CLIC5: variants seen among roughly 807,000 people sequenced by gnomAD.
CLIC5 encodes the protein chloride intracellular channel protein 5.
A neutral mutation model predicts 24.7 loss-of-function variants in CLIC5; 20 were observed. That is an observed-to-expected ratio of 0.81 (90% CI 0.57 to 1.18). The LOEUF is 1.18. CLIC5 is among the 50% of genes most tolerant of loss of function. The pLI is 0.00. For synonymous variants in CLIC5, 159 were observed against 135.6 expected (o/e 1.17, Z -1.20); for missense variants, 341 against 326.1 (o/e 1.05, Z -0.35).
chr6:45,886,753 T>C (rs1762309198), intron 6 of CLIC5, among the ~76,000 whole-genome samples: 1 of 152,166 alleles, frequency 6.6e-6, no homozygotes, highest in African/African-American at 2.4e-5. Flanking sequence ...TGGACAAAGC[T>C]GATGTGTTTG....
At chr6:46,069,268 G>A (rs1581917094) in intron 1 of CLIC5, among the ~76,000 whole-genome samples, 1 of 152,128 alleles carries the variant, frequency 6.6e-6, no homozygotes, top group East Asian at 1.9e-4. Flanking sequence ...GCAATAGGGA[G>A]CTACTGCATA....
chr6:46,030,429 T>C (rs1767465160), intron 1 of CLIC5, among the ~76,000 whole-genome samples: 1 of 152,192 alleles, frequency 6.6e-6, no homozygotes, highest in Admixed American at 6.5e-5. Context: ...GCTCTTTTGC[T>C]TTCTCTCTTT....
intron 1 of CLIC5, among the ~76,000 whole-genome samples, chr6:45,959,599 C>T (rs1041515675): frequency 2.7e-5 from 4 of 149,198 alleles, no homozygotes; most frequent in African/African-American, 1.0e-4. Context: ...AGTGCAGTGG[C>T]GCGATCTCAG....
intron 1 of CLIC5, among the ~76,000 whole-genome samples, chr6:46,036,675 A>G (rs527427452): frequency 5.9e-5 from 9 of 152,362 alleles, no homozygotes; most frequent in Admixed American, 2.0e-4. Flanking sequence ...CAGTGTATAC[A>G]TAGTGCTGGA....
intron 1 of CLIC5, among the ~76,000 whole-genome samples, chr6:45,992,986 G>A (rs1765996767): frequency 6.6e-6 from 1 of 152,178 alleles, no homozygotes; most frequent in Admixed American, 6.5e-5. Context: ...AGCTAACTGG[G>A]CAGAGGTCTG....
intron 1 of CLIC5, among the ~76,000 whole-genome samples, chr6:46,010,623 G>A (rs929930000): frequency 1.3e-5 from 2 of 152,146 alleles, no homozygotes; most frequent in Non-Finnish European, 2.9e-5. Context: ...GACAACACAA[G>A]TCATCAGGGA....
intron 1 of CLIC5, among the ~76,000 whole-genome samples, chr6:46,051,083 T>A (rs921199846): frequency 5.3e-5 from 8 of 152,206 alleles, no homozygotes; most frequent in Non-Finnish European, 1.0e-4. Context: ...CCCCCATCTC[T>A]GAACTCTTAG....
chr6:45,951,337 T>G (rs933865015), intron 2 of CLIC5, among the ~76,000 whole-genome samples: 6 of 152,142 alleles, frequency 3.9e-5, no homozygotes, highest in African/African-American at 1.4e-4. Context: ...CAGTCCCAAT[T>G]GAATGAATGA....
upstream of CLIC5, among the ~76,000 whole-genome samples, chr6:46,083,762 G>T (rs12212113): frequency 0.13 from 19,992 of 151,108 alleles, 1,365 homozygotes; most frequent in South Asian, 0.3. Context: ...TTGATTTGGG[G>T]TGGAGAGTTC....
chr6:45,924,545 T>C (rs1261619452), intron 4 of CLIC5, among the ~76,000 whole-genome samples: 3 of 152,218 alleles, frequency 2.0e-5, no homozygotes, highest in Non-Finnish European at 4.4e-5. Flanking sequence ...TGTGCAATTT[T>C]ATACTTCTGT....
intron 1 of CLIC5, among the ~76,000 whole-genome samples, chr6:46,032,882 A>T (rs9472674): frequency 0.016 from 2,458 of 152,140 alleles, 71 homozygotes; most frequent in African/African-American, 0.051. Context: ...GTTTCCAAGG[A>T]CAATCTGTAG....
At chr6:45,948,709 T>A (rs1764367178) in intron 3 of CLIC5, among the ~76,000 whole-genome samples, 1 of 152,190 alleles carries the variant, frequency 6.6e-6, no homozygotes, top group Admixed American at 6.5e-5. Context: ...CTTATAGCTC[T>A]ACGGTCTATA....
chr6:46,010,826 A>G (rs1766782562), intron 1 of CLIC5, among the ~76,000 whole-genome samples: 1 of 152,218 alleles, frequency 6.6e-6, no homozygotes, highest in African/African-American at 2.4e-5. Context: ...GTTATTGACT[A>G]CAGATCAAAA....
At chr6:45,909,681 G>A (rs777986183) in intron 5 of CLIC5, among the ~76,000 whole-genome samples, 4 of 152,184 alleles carry the variant, frequency 2.6e-5, no homozygotes, top group Non-Finnish European at 4.4e-5. Flanking sequence ...TATGTGTTCT[G>A]ACCTTTTTCT....
chr6:46,073,313 C>T (rs1326763385), intron 1 of CLIC5, among the ~76,000 whole-genome samples: 2 of 152,128 alleles, frequency 1.3e-5, no homozygotes, highest in Non-Finnish European at 2.9e-5. Context: ...CATATATCTC[C>T]CCCTTACCCT....
chr6:46,089,142 A>G, the CLIC5 span, among the ~76,000 whole-genome samples: 2 of 152,234 alleles, frequency 1.3e-5, no homozygotes, highest in African/African-American at 4.8e-5. Context: ...AAGAAGGCAA[A>G]TTACAGAATT....
At position 45,903,070 on chromosome 6, in the gene CLIC5, G is replaced by A; in HGVS notation, c.*18C>T. 2 of 1,613,806 alleles carry A rather than the reference G, an allele frequency of 1.2e-6. No individual in the cohort carries two copies. The highest frequency in any genetic ancestry group is 8.5e-7 in the Non-Finnish European group (1 of 1,179,876). On this transcript the variant is annotated 3_prime_UTR_variant, in exon 6 of 6. Transcript: ENST00000339561. Reference sequence around the variant, plus strand: ...GGTTGAGTCCTTCTGCAGCGGGGATGGGGCAAAATGGCTGTGCTCAGGATC... The same window carrying A: ...GGTTGAGTCCTTCTGCAGCGGGGATAGGGCAAAATGGCTGTGCTCAGGATC...
upstream of CLIC5, among the ~76,000 whole-genome samples, chr6:46,085,312 G>T (rs1294028970): frequency 6.6e-6 from 1 of 152,178 alleles, no homozygotes; most frequent in East Asian, 1.9e-4. Context: ...TTCCATTGCT[G>T]CTGAGGAACT....
At chr6:46,009,831 T>A (rs1192247856) in intron 1 of CLIC5, among the ~76,000 whole-genome samples, 1 of 152,140 alleles carries the variant, frequency 6.6e-6, no homozygotes, top group Non-Finnish European at 1.5e-5. Flanking sequence ...GGAGCTTTCT[T>A]GGATGAGGGA....
Sources: allele counts gnomAD v4.1 joint callset (sites outside exome capture counted in the v4.1 genomes callset), GRCh38; gene constraint gnomAD v4.1.1; transcripts MANE v1.5; gene names NCBI Gene and HGNC (gene_info 2026-07-23, HGNC 2026-07-21).